RASSF9: variants seen among roughly 807,000 people sequenced by gnomAD.
RASSF9 encodes Ras association domain family member 9.
A neutral mutation model predicts 21.4 loss-of-function variants in RASSF9; 18 were observed. That is an observed-to-expected ratio of 0.84 (90% CI 0.58 to 1.25). The LOEUF (loss-of-function observed/expected upper bound fraction) is 1.25, where lower values mean the gene tolerates loss of function less well. Among genes scored for constraint, RASSF9 ranks in the 50% most tolerant of loss-of-function variants. The pLI is 0.00. For missense variants in RASSF9, 480 were observed against 503.2 expected (o/e 0.95, Z 0.44); for synonymous variants, 183 against 179.1 (o/e 1.02, Z -0.18).
intron 1 of RASSF9, among the ~76,000 whole-genome samples, chr12:85,833,007 AC>A (rs566710315): frequency 1.6e-3 from 241 of 151,938 alleles, no homozygotes; most frequent in African/African-American, 5.7e-3. Context: ...GGGCATACAA[AC>A]TTTTTAGGCT....
intron 1 of RASSF9, among the ~76,000 whole-genome samples, chr12:85,807,168 A>G (rs927748306): frequency 1.3e-5 from 2 of 152,194 alleles, no homozygotes; most frequent in African/African-American, 2.4e-5. Context: ...AAAAGAGGCA[A>G]TCAGAGTTCT....
intron 1 of RASSF9, among the ~76,000 whole-genome samples, chr12:85,822,304 A>G (rs187719221): frequency 5.3e-4 from 81 of 152,292 alleles, no homozygotes; most frequent in African/African-American, 1.9e-3. Flanking sequence ...CTTGAAGGAC[A>G]TAAGTCATAT....
chr12:85,814,880 T>C, intron 1 of RASSF9, among the ~76,000 whole-genome samples: 1 of 152,044 alleles, frequency 6.6e-6, no homozygotes, highest in East Asian at 1.9e-4. Context: ...AAATGAGCTA[T>C]GGGATAAAAA....
intron 1 of RASSF9, among the ~76,000 whole-genome samples, chr12:85,808,965 T>A (rs1231991482): frequency 6.6e-6 from 1 of 152,120 alleles, no homozygotes; most frequent in South Asian, 2.1e-4. Flanking sequence ...TAAATAGCAT[T>A]AAAGATAGTA....
chr12:85,816,663 A>G (rs61930067), intron 1 of RASSF9, among the ~76,000 whole-genome samples: 22,379 of 152,142 alleles, frequency 0.15, 1,809 homozygotes, highest in Middle Eastern at 0.19. Flanking sequence ...TTGATATTCT[A>G]ACATATGCAA....
chr12:85,805,165 T>A lies in RASSF9; in HGVS notation c.845A>T (p.Lys282Met). The change falls in exon 2 of 2, where the codon AAG (lysine) becomes ATG (methionine). Residue 282 changes from lysine (K) to methionine (M), a missense_variant. By Grantham distance (95) the Lys-to-Met change is moderately conservative. Transcript: ENST00000361228. ...RLKYYRILIDKLSAEIEKEVK... is the reference protein window; with the variant it reads ...RLKYYRILIDMLSAEIEKEVK... ...CTCTTTTTCTATTTCAGCAGAGAGC[T>A]TATCAATGAGTATTCGGTAATATTT... 6.2e-7 allele frequency: 1 copy of A among 1,613,900 alleles called. No homozygotes were observed. Among genetic ancestry groups the A allele is most frequent in the South Asian group, 1.1e-5 (1 of 91,086 alleles).
chr12:85,832,005 A>T (rs1445780571), intron 1 of RASSF9, among the ~76,000 whole-genome samples: 1 of 151,868 alleles, frequency 6.6e-6, no homozygotes, highest in Non-Finnish European at 1.5e-5. Flanking sequence ...GGACAAGCAA[A>T]TTTTTTGGAG....
intron 1 of RASSF9, among the ~76,000 whole-genome samples, chr12:85,810,601 T>A (rs1394626638): frequency 6.6e-6 from 1 of 151,986 alleles, no homozygotes; most frequent in Non-Finnish European, 1.5e-5. Flanking sequence ...CACAGCCCCA[T>A]GAAAATCCAG....
At position 85,803,224 on chromosome 12, in the gene RASSF9, T is replaced by G. The variant is rs1291011387; in HGVS notation, c.*1478A>C. 6.6e-6 allele frequency: 1 copy of G among 151,962 alleles called. No individual in the cohort carries two copies. The highest frequency in any genetic ancestry group is 1.5e-5 in the Non-Finnish European group (1 of 67,958). The allele number at this position is 151,962 out of a possible 1,614,324, so 9.4% of individuals were successfully genotyped here. ...AAGTAAAACAATAAGAAAACTGAGT[T>G]AAAACCTGCACTAAAAGTATGCAAA... On this transcript the variant is annotated 3_prime_UTR_variant, in exon 2 of 2. Transcript: ENST00000361228.
chr12:85,805,407 G>A lies in RASSF9; in HGVS notation c.603C>T (p.Val201=). 1 of 1,613,600 alleles carries A rather than the reference G, an allele frequency of 6.2e-7. No individual in the cohort carries two copies. Among genetic ancestry groups the A allele is most frequent in the Non-Finnish European group, 8.5e-7 (1 of 1,179,748 alleles). ...ISQDHTIHQQ[V]KRMKELDLEI... ...CCAGATCCAGCTCTTTCATTCTCTTGACTTGCTGATGAATAGTATGGTCCT... is the reference window on the plus strand; with the variant it reads ...CCAGATCCAGCTCTTTCATTCTCTTAACTTGCTGATGAATAGTATGGTCCT... Residue 201 remains valine (V), a synonymous_variant, in exon 2 of 2, where the codon GTC becomes GTT. Transcript: ENST00000361228.
intron 1 of RASSF9, among the ~76,000 whole-genome samples, chr12:85,811,118 A>C (rs1313945765): frequency 2.0e-5 from 3 of 151,978 alleles, no homozygotes; most frequent in Non-Finnish European, 2.9e-5. Flanking sequence ...TCATAAAATT[A>C]ATGTTTTACC....
At chr12:85,806,840 A>G (rs1879847879) in intron 1 of RASSF9, among the ~76,000 whole-genome samples, 1 of 152,128 alleles carries the variant, frequency 6.6e-6, no homozygotes, top group Non-Finnish European at 1.5e-5. Flanking sequence ...ATAGGTAGCG[A>G]TAGTGAAATC....
At chr12:85,817,468 A>C (rs1880099950) in intron 1 of RASSF9, among the ~76,000 whole-genome samples, 1 of 152,020 alleles carries the variant, frequency 6.6e-6, no homozygotes. Context: ...GTAATTAGAG[A>C]AAAGAAGCAA....
chr12:85,822,914 C>G (rs558567831), intron 1 of RASSF9, among the ~76,000 whole-genome samples: 1 of 152,202 alleles, frequency 6.6e-6, no homozygotes, highest in African/African-American at 2.4e-5. Context: ...AAAATGTCTA[C>G]TGCCGGCCAG....
In RASSF9 at chr12:85,805,963, C is replaced by T; in HGVS notation, c.48-1G>A. ...TGAATCCATGTCTTTAGTTGGAGATCTGAAAGAAAAACAAAAGCACATTAT... is the reference window on the plus strand; with the variant it reads ...TGAATCCATGTCTTTAGTTGGAGATTTGAAAGAAAAACAAAAGCACATTAT... On this transcript the variant is annotated splice_acceptor_variant, in intron 1 of 1. Coordinates refer to ENST00000361228, the MANE Select transcript of RASSF9 (RefSeq NM_005447.4). LOFTEE classifies it high-confidence loss of function. 1 of 1,597,036 alleles carries T rather than the reference C, an allele frequency of 6.3e-7. No homozygotes were observed. The highest frequency in any genetic ancestry group is 1.8e-5 in the Admixed American group (1 of 57,002).
At chr12:85,821,024 G>A (rs946621764) in intron 1 of RASSF9, among the ~76,000 whole-genome samples, 3 of 152,000 alleles carry the variant, frequency 2.0e-5, no homozygotes, top group African/African-American at 7.2e-5. Flanking sequence ...CGGGCCTATA[G>A]TCCCAGCTAC....
intron 1 of RASSF9, 125 bp from the exon 2 acceptor site, chr12:85,806,087 C>T (rs1214560939): frequency 3.7e-6 from 4 of 1,075,676 alleles, no homozygotes; most frequent in Non-Finnish European, 5.2e-6. Context: ...TTTTCTGTCG[C>T]CCAGGCTGGA....
rs1474670033 is a variant in RASSF9, at chr12:85,805,840, A to G, written c.170T>C (p.Leu57Pro). The G allele has an allele frequency of 1.9e-6, 3 of 1,613,954 alleles. No individual in the cohort carries two copies. The highest frequency in any genetic ancestry group is 1.3e-5 in the African/African-American group (1 of 75,036). Residue 57 changes from leucine to proline, a missense_variant, in exon 2 of 2, where the codon CTT (leucine) becomes CCT (proline). Physicochemically the swap from Leu to Pro is moderately conservative, Grantham distance 98. Coordinates refer to ENST00000361228, the MANE Select transcript of RASSF9 (RefSeq NM_005447.4). ...TCCAAACGTAGCCTCATGTTCCTCA[A>G]GCAAAGCCTGGATGACATCAGCAGA... ...TTSADVIQAL[L>P]EEHEATFGEK...
chr12:85,813,471 GATAAA>G (rs1879995267), intron 1 of RASSF9, among the ~76,000 whole-genome samples: 1 of 151,846 alleles, frequency 6.6e-6, no homozygotes, highest in African/African-American at 2.4e-5. Context: ...GAAGTTTTAA[GATAAA>G]ATATTGTCTA....
Sources: gnomAD v4.1 joint callset for allele counts (sites outside exome capture counted in the v4.1 genomes callset) on GRCh38, gnomAD v4.1.1 for gene constraint, MANE v1.5 for transcripts, NCBI Gene and HGNC (gene_info 2026-07-23, HGNC 2026-07-21) for gene names.